The following OSBPL5 variants were observed in gnomAD, a reference collection of about 807,000 sequenced individuals.
OSBPL5 encodes the protein oxysterol binding protein like 5.
OSBPL5 carries 71 observed loss-of-function variants against 111.2 expected under a neutral mutation model. The observed-to-expected ratio is 0.64, with a 90% CI of 0.53 to 0.78. The LOEUF is 0.78. Among genes scored for constraint, OSBPL5 ranks in the 30% least tolerant of loss-of-function variants. The probability of loss-of-function intolerance (pLI) is 0.00; values close to 1 mark genes in which losing one functional copy is unlikely to be tolerated. For missense variants in OSBPL5, 1,210 were observed against 1,189.3 expected, an observed-to-expected ratio of 1.02 and a Z score of -0.26; for synonymous variants, 549 against 513.9, an observed-to-expected ratio of 1.07 and a Z score of -0.93.
In OSBPL5 at chr11:3,129,046, T is replaced by C. The variant is rs774579932; in HGVS notation, c.103A>G (p.Ser35Gly). Residue 35 changes from serine (S) to glycine (G), a missense_variant, in exon 2 of 22, where the codon AGC (serine) becomes GGC (glycine). Physicochemically the swap from Ser to Gly is moderately conservative, Grantham distance 56. Coordinates refer to ENST00000263650, the MANE Select transcript of OSBPL5 (RefSeq NM_020896.4). ...PRKLTRNLLL[S>G]GDNELYPLSP... ...AGTGGGTAGAGCTCATTGTCTCCGCTGAGGAGCAAGTTCCGGGTGAGCTTC... is the reference window on the plus strand; with the variant it reads ...AGTGGGTAGAGCTCATTGTCTCCGCCGAGGAGCAAGTTCCGGGTGAGCTTC... 6 of 1,588,112 alleles carry C rather than the reference T, an allele frequency of 3.8e-6. No individual in the cohort carries two copies. The South Asian group carries it at 6.8e-5, about 18-fold the overall frequency.
chr11:3,112,481 T>TC (rs964169579), intron 7 of OSBPL5, among the ~76,000 whole-genome samples: 4 of 147,282 alleles, frequency 2.7e-5, no homozygotes, highest in African/African-American at 4.9e-5. Context: ...TTCTTTTCTT[T>TC]TTTTTTTTTT....
At chr11:3,112,027 G>GTGTGTATGTGTGCGCGCA (rs1564837316) in intron 7 of OSBPL5, among the ~76,000 whole-genome samples, 28 of 9,622 alleles carry the variant, frequency 2.9e-3, no homozygotes, top group Non-Finnish European at 1.2e-3. Context: ...GTGTGTGCAT[G>GTGTGTATGTGTGCGCGCA]TGTGTGTATG....
In OSBPL5 at chr11:3,159,707, G is replaced by T. The variant is rs551244185; in HGVS notation, c.-22+5509C>A. On this transcript the variant is annotated intron_variant, in intron 1 of 21. Coordinates refer to ENST00000263650, the MANE Select transcript of OSBPL5 (RefSeq NM_020896.4). The stretch of plus-strand genomic sequence containing the variant: ...GGAGGGCCAGGGCCACGGCTGGGTG[G>T]GGTGGCCCAGGACTATCTGAGTCAG... 7.9e-5 allele frequency among the ~76,000 whole-genome samples: 12 copies of T among 152,306 alleles called. No homozygotes were observed. The South Asian group carries it at 2.5e-3, about 32-fold the overall frequency.
At chr11:3,133,370 G>A (rs1013521851) in intron 1 of OSBPL5, among the ~76,000 whole-genome samples, 6 of 152,250 alleles carry the variant, frequency 3.9e-5, no homozygotes, top group Non-Finnish European at 8.8e-5. Context: ...AGCGACCTGG[G>A]ATCCCACTCA....
intron 7 of OSBPL5, among the ~76,000 whole-genome samples, chr11:3,111,317 G>A (rs1447736545): frequency 6.6e-6 from 1 of 152,062 alleles, no homozygotes; most frequent in Non-Finnish European, 1.5e-5. Flanking sequence ...CTCCTTTATG[G>A]AGTTCGAGCT....
In OSBPL5 at chr11:3,126,496, T is replaced by C. The variant is rs1388694884; in HGVS notation, c.196A>G (p.Ser66Gly). 6.2e-7 allele frequency: 1 copy of C among 1,609,654 alleles called. No individual in the cohort carries two copies. The highest frequency in any genetic ancestry group is 8.5e-7 in the Non-Finnish European group (1 of 1,178,634). Residue 66 changes from serine to glycine, a missense_variant, in exon 3 of 22, where the codon AGC becomes GGC. Ser to Gly is a moderately conservative substitution (Grantham distance 56). Transcript: ENST00000263650. The surrounding 1 kb of genome is among the most constrained non-coding windows in gnomAD (Gnocchi z 6.5). ...ACCGGTGGCACCTTCGTGGCAGAGC[T>C]TGGGGTCGGGGGCCCTTCATCCCTG... ...LPRDEGPPTP[S>G]SATKVPPAEY...
intron 1 of OSBPL5, among the ~76,000 whole-genome samples, chr11:3,139,698 C>G (rs1004282492): frequency 6.6e-6 from 1 of 152,260 alleles, no homozygotes; most frequent in Non-Finnish European, 1.5e-5. Flanking sequence ...GCACATCCAG[C>G]CTCCCCTCCT....
intron 1 of OSBPL5, among the ~76,000 whole-genome samples, chr11:3,143,012 G>T (rs1329473900): frequency 9.2e-6 from 1 of 108,312 alleles, no homozygotes; most frequent in Non-Finnish European, 2.1e-5. Context: ...GTGCAGAGGG[G>T]GGCAGAGGAG....
In OSBPL5 at chr11:3,104,434, G is replaced by A; in HGVS notation, c.1060-57C>T. On this transcript the variant is annotated intron_variant, in intron 9 of 21. Transcript: ENST00000263650. This position sits in a 1 kb window ranked among gnomAD's most constrained non-coding sequence, Gnocchi z 5.0. The stretch of plus-strand genomic sequence containing the variant: ...CCGGAAGAGCCGGGAGGAAGGGGTG[G>A]CGGGACAGTGGCAGCTCTGGCTGGA... 1.9e-6 allele frequency: 3 copies of A among 1,573,534 alleles called. No individual in the cohort carries two copies. Among genetic ancestry groups the A allele is most frequent in the South Asian group, 1.1e-5 (1 of 88,818 alleles).
rs1857187743 is a variant in OSBPL5 at position 3,094,536 on chromosome 11, TGCG to T, written c.1622-205_1622-203del. 7 of 251,890 alleles carry T rather than the reference TGCG, an allele frequency of 2.8e-5. No homozygotes were observed. In the East Asian group the frequency reaches 4.1e-3, roughly 148 times the overall value. The allele number at this position is 251,890 out of a possible 1,614,324, so 15.6% of individuals were successfully genotyped here. A position where few individuals can be genotyped will look rare whatever the true frequency, so the allele number is the denominator to read the frequency against. On this transcript the variant is annotated intron_variant, in intron 14 of 21. Transcript: ENST00000263650. The stretch of plus-strand genomic sequence containing the variant: ...CCCCACAGGGAGAGGCTGGTGGGGG[TGCG>T]GAGCCTGGGAGGTGCGGAGCCTGGG...
chr11:3,140,319 C>G lies in OSBPL5; in HGVS notation c.-21-11150G>C, dbSNP rs745648891. Among the ~76,000 whole-genome samples the G allele has an allele frequency of 6.6e-6, 1 of 152,214 alleles. No homozygotes were observed. The highest frequency in any genetic ancestry group is 2.4e-5 in the African/African-American group (1 of 41,456). On this transcript the variant is annotated intron_variant, in intron 1 of 21. Coordinates refer to ENST00000263650, the MANE Select transcript of OSBPL5 (RefSeq NM_020896.4). This position sits in a 1 kb window ranked among gnomAD's most constrained non-coding sequence, Gnocchi z 4.5. ...TGGTGCCACCCAGGAGTGACACACA[C>G]AGCCAAGCTCTCCCCTGTATCCCTC...
intron 1 of OSBPL5, among the ~76,000 whole-genome samples, chr11:3,144,919 C>A (rs1475569267): frequency 6.6e-6 from 1 of 152,256 alleles, no homozygotes; most frequent in African/African-American, 2.4e-5. Flanking sequence ...ACCCGGATTC[C>A]AAGCAAGGCC....
At chr11:3,120,318 A>G in intron 6 of OSBPL5, 103 bp downstream of exon 6, 2 of 1,415,574 alleles carry the variant, frequency 1.4e-6, no homozygotes, top group South Asian at 2.5e-5. Context: ...CAAGGCCCCA[A>G]GGGGGCCATT....
intron 1 of OSBPL5, among the ~76,000 whole-genome samples, chr11:3,143,437 G>C (rs1245513430): frequency 6.6e-6 from 1 of 152,232 alleles, no homozygotes; most frequent in Non-Finnish European, 1.5e-5. Flanking sequence ...GGCCATCAGA[G>C]AGCGGACACA....
rs375103093 is a variant in OSBPL5, at chr11:3,106,386, C to G, written c.1059+877G>C. ...CAAGATCCCAGATCACAGAGCCCCC[C>G]GTTCCTGACAGCCCCCACCCCAGAG... is the stretch of plus-strand genomic sequence containing the variant. On this transcript the variant is annotated intron_variant, in intron 9 of 21. Coordinates refer to ENST00000263650, the MANE Select transcript of OSBPL5 (RefSeq NM_020896.4). This position sits in a 1 kb window ranked among gnomAD's most constrained non-coding sequence, Gnocchi z 8.4. Among the ~76,000 whole-genome samples, 2 of 152,118 alleles carry G rather than the reference C, an allele frequency of 1.3e-5. No individual in the cohort carries two copies. The highest frequency in any genetic ancestry group is 4.8e-5 in the African/African-American group (2 of 41,420).
rs532040606 is a variant in OSBPL5, at chr11:3,106,125, G to A, written c.1059+1138C>T. Among the ~76,000 whole-genome samples, 101 of 152,278 alleles carry A rather than the reference G, an allele frequency of 6.6e-4. 1 individual carries two copies. Among genetic ancestry groups the A allele is most frequent in the Admixed American group, 1.0e-3 (16 of 15,302 alleles). On this transcript the variant is annotated intron_variant, in intron 9 of 21. Transcript: ENST00000263650. This position sits in a 1 kb window ranked among gnomAD's most constrained non-coding sequence, Gnocchi z 8.4. ...CTAACCTTCCCATCCCCGCACAGGA[G>A]CCTGAGCTCTGTGGGAACAGCAGCC...
rs1017702205 is a variant in OSBPL5, at chr11:3,087,681, C to G, written c.*524G>C. On this transcript the variant is annotated 3_prime_UTR_variant, in exon 22 of 22. Coordinates refer to ENST00000263650, the MANE Select transcript of OSBPL5 (RefSeq NM_020896.4). ...AACCAAAATGCCTTCCCCAGAGTGG[C>G]CCTAACCTGTCCCTGGCACCCACCA... The G allele has an allele frequency of 6.5e-6, 1 of 152,984 alleles. No individual in the cohort carries two copies. Among genetic ancestry groups the G allele is most frequent in the Non-Finnish European group, 1.5e-5 (1 of 68,694 alleles). 9.5% of individuals were successfully genotyped at this position (152,984 alleles called of 1,614,324 possible). A position where few individuals can be genotyped will look rare whatever the true frequency, so the allele number is the denominator to read the frequency against.
intron 14 of OSBPL5, among the ~76,000 whole-genome samples, chr11:3,098,867 C>G (rs945859272): frequency 1.2e-4 from 18 of 150,602 alleles, no homozygotes; most frequent in African/African-American, 4.4e-4. Flanking sequence ...TGCACTGGTG[C>G]CACGATGGCT....
Position 3,106,349 on chromosome 11 carries a change from G to A in OSBPL5, c.1059+914C>T, listed in dbSNP as rs939131575. Reference sequence around the variant, plus strand: ...CGGCCTTGCTCTTGTCTCGCCTCCCGGGTGAGAATGACAAGATCCCAGATC... The same window carrying A: ...CGGCCTTGCTCTTGTCTCGCCTCCCAGGTGAGAATGACAAGATCCCAGATC... On this transcript the variant is annotated intron_variant, in intron 9 of 21. Transcript: ENST00000263650. This position sits in a 1 kb window ranked among gnomAD's most constrained non-coding sequence, Gnocchi z 8.4. Among the ~76,000 whole-genome samples, 10 of 152,028 alleles carry A rather than the reference G, an allele frequency of 6.6e-5. No homozygotes were observed. Among genetic ancestry groups the A allele is most frequent in the South Asian group, 2.1e-4 (1 of 4,808 alleles).
Sources: allele counts gnomAD v4.1 joint callset (sites outside exome capture counted in the v4.1 genomes callset), GRCh38; gene constraint gnomAD v4.1.1; non-coding constraint Gnocchi (gnomAD v3.1); transcripts MANE v1.5; gene names NCBI Gene and HGNC (gene_info 2026-07-23, HGNC 2026-07-21).